Variants in UBE2W observed in about 807,000 individuals in gnomAD.
The protein encoded by UBE2W is ubiquitin conjugating enzyme E2 W.
A neutral mutation model predicts 27.2 loss-of-function variants in UBE2W; 18 were observed. The ratio of observed to expected loss-of-function variants is 0.66; its 90% CI spans 0.46 to 0.98. The LOEUF is 0.98. Ranked by LOEUF, UBE2W falls within the 50% of genes least tolerant of loss-of-function variation. The pLI, the probability that UBE2W is intolerant of heterozygous loss-of-function variation, is 0.00. For missense variants in UBE2W, 90 were observed against 180.2 expected, an observed-to-expected ratio of 0.50 and a Z score of 2.87; for synonymous variants, 53 against 57.2, an observed-to-expected ratio of 0.93 and a Z score of 0.33.
At chr8:73,837,974 G>GA (rs1357729882) in intron 1 of UBE2W, among the ~76,000 whole-genome samples, 2 of 152,144 alleles carry the variant, frequency 1.3e-5, no homozygotes, top group Non-Finnish European at 2.9e-5. Context: ...GTCAGGTCCA[G>GA]AATGTAAATG....
At chr8:73,873,642 T>A (rs562260808) in intron 1 of UBE2W, among the ~76,000 whole-genome samples, 1 of 151,986 alleles carries the variant, frequency 6.6e-6, no homozygotes, top group East Asian at 1.9e-4. Flanking sequence ...GGTGACAGAG[T>A]GAGACCCTGT....
intron 1 of UBE2W, among the ~76,000 whole-genome samples, chr8:73,840,828 A>G (rs915692647): frequency 6.6e-6 from 1 of 152,340 alleles, no homozygotes; most frequent in South Asian, 2.1e-4. Context: ...TGTTGTTTCA[A>G]GGCTCTACTG....
At chr8:73,850,492 G>A (rs1811025773) in intron 1 of UBE2W, among the ~76,000 whole-genome samples, 1 of 152,066 alleles carries the variant, frequency 6.6e-6, no homozygotes, top group Non-Finnish European at 1.5e-5. Flanking sequence ...TTTATACCAT[G>A]AAATACCACT....
At chr8:73,855,212 A>ATTCTG (rs1811236494) in intron 1 of UBE2W, among the ~76,000 whole-genome samples, 1 of 152,186 alleles carries the variant, frequency 6.6e-6, no homozygotes, top group Non-Finnish European at 1.5e-5. Flanking sequence ...ACACCAGAAT[A>ATTCTG]GTGAGAGAGC....
Position 73,842,996 on chromosome 8 carries a change from AAAG to A in UBE2W, c.16-12527_16-12525del, listed in dbSNP as rs201239765. Among the ~76,000 whole-genome samples the A allele has an allele frequency of 6.7e-3, 1,016 of 152,344 alleles. 19 individuals are homozygous for A. The highest frequency in any genetic ancestry group is 0.023 in the African/African-American group (957 of 41,572). On this transcript the variant is annotated intron_variant, in intron 1 of 5. Coordinates refer to ENST00000602593, the MANE Select transcript of UBE2W (RefSeq NM_018299.6). ...CAATGGAATTTTATTTCGCCTTCAA[AAAG>A]AATGAAGTACTGACTCATTTTACAA...
downstream of UBE2W, among the ~76,000 whole-genome samples, chr8:73,785,339 T>C (rs983236546): frequency 6.6e-6 from 1 of 152,090 alleles, no homozygotes; most frequent in Non-Finnish European, 1.5e-5. Flanking sequence ...AGATGGGGTT[T>C]CTCCATGTTG....
At chr8:73,833,427 C>T (rs1178691484) in intron 1 of UBE2W, among the ~76,000 whole-genome samples, 3 of 151,722 alleles carry the variant, frequency 2.0e-5, no homozygotes, top group African/African-American at 7.3e-5. Context: ...ATATAATGAT[C>T]ACCTGCACAG....
At chr8:73,833,056 G>T (rs535060207) in intron 1 of UBE2W, among the ~76,000 whole-genome samples, 1 of 151,824 alleles carries the variant, frequency 6.6e-6, no homozygotes, top group Non-Finnish European at 1.5e-5. Flanking sequence ...GTGGTGGCGC[G>T]TGCCTGTAGT....
intron 1 of UBE2W, among the ~76,000 whole-genome samples, chr8:73,856,189 T>C (rs1345038609): frequency 3.9e-5 from 6 of 152,204 alleles, no homozygotes; most frequent in South Asian, 2.1e-4. Flanking sequence ...TGATAACAAA[T>C]AGATTAAAAC....
intron 1 of UBE2W, chr8:73,833,777 A>T (rs958006316): frequency 1.3e-5 from 2 of 152,140 alleles, no homozygotes; most frequent in Admixed American, 6.5e-5. Context: ...TTTTTCAGAG[A>T]CAGGGTCTCG....
chr8:73,851,681 C>T (rs1398110360), intron 1 of UBE2W, among the ~76,000 whole-genome samples: 1 of 151,918 alleles, frequency 6.6e-6, no homozygotes, highest in Non-Finnish European at 1.5e-5. Context: ...CTGAAAACTA[C>T]TAGAAAAAAA....
chr8:73,826,643 T>C (rs956577390), intron 2 of UBE2W, among the ~76,000 whole-genome samples: 20 of 152,218 alleles, frequency 1.3e-4, no homozygotes. Context: ...TAATAAAAGA[T>C]ACGACCACAG....
chr8:73,830,499 G>A (rs1156701212), intron 1 of UBE2W, 27 bp from the exon 2 acceptor site: 3 of 1,598,210 alleles, frequency 1.9e-6, no homozygotes, highest in Non-Finnish European at 2.6e-6. Flanking sequence ...ATAATAATTT[G>A]TCCTTTTTGA....
chr8:73,833,564 T>C (rs1810182139), intron 1 of UBE2W, among the ~76,000 whole-genome samples: 1 of 152,152 alleles, frequency 6.6e-6, no homozygotes, highest in South Asian at 2.1e-4. Flanking sequence ...TGGCTACGTA[T>C]TTTGCACGCT....
At chr8:73,817,579 A>G (rs943722577) in intron 3 of UBE2W, among the ~76,000 whole-genome samples, 4 of 152,046 alleles carry the variant, frequency 2.6e-5, no homozygotes, top group Admixed American at 2.0e-4. Flanking sequence ...GTGCAGTGGC[A>G]TGATCTTGAC....
intron 1 of UBE2W, among the ~76,000 whole-genome samples, chr8:73,877,852 CA>C (rs56767594): frequency 0.32 from 48,296 of 151,852 alleles, 10,355 homozygotes; most frequent in African/African-American, 0.62. Flanking sequence ...AAACAAAAAA[CA>C]AAAAAACCCA....
intron 1 of UBE2W, among the ~76,000 whole-genome samples, chr8:73,861,484 T>G (rs1811531676): frequency 6.6e-6 from 1 of 152,176 alleles, no homozygotes; most frequent in Admixed American, 6.6e-5. Flanking sequence ...CTTCTGTTGT[T>G]ATTTTTTGTA....
In UBE2W at chr8:73,791,699, C is replaced by G. The variant is rs1360701209; in HGVS notation, c.*2403G>C. The G allele has an allele frequency of 5.1e-6, 5 of 985,018 alleles. No individual in the cohort carries two copies. The highest frequency in any genetic ancestry group is 6.0e-6 in the Non-Finnish European group (5 of 829,744). The allele number at this position is 985,018 out of a possible 1,614,324, so 61.0% of individuals were successfully genotyped here. A position where few individuals can be genotyped will look rare whatever the true frequency, so the allele number is the denominator to read the frequency against. On this transcript the variant is annotated 3_prime_UTR_variant, in exon 6 of 6. Transcript: ENST00000602593. ...AGGAGTTTTCAATGATTCCTAAATT[C>G]AAGAGAGTGTTGTTAGCCTGATTAT...
chr8:73,794,621 G>C (rs1287372505), intron 5 of UBE2W, among the ~76,000 whole-genome samples: 2 of 151,892 alleles, frequency 1.3e-5, no homozygotes, highest in Admixed American at 1.3e-4. Context: ...AAGTTTTCAG[G>C]CCGGACACGG....
Sources: gnomAD v4.1 joint callset for allele counts (sites outside exome capture counted in the v4.1 genomes callset) on GRCh38, gnomAD v4.1.1 for gene constraint, MANE v1.5 for transcripts, NCBI Gene and HGNC (gene_info 2026-07-23, HGNC 2026-07-21) for gene names.